Variants in GAB1 observed in about 807,000 individuals in gnomAD.
GAB1 encodes GRB2 associated binding protein 1.
GAB1 carries 19 observed loss-of-function variants against 66.5 expected under a neutral mutation model. The ratio of observed to expected loss-of-function variants is 0.29; its 90% CI spans 0.20 to 0.42. The LOEUF is 0.42. Among genes scored for constraint, GAB1 ranks in the 10% least tolerant of loss-of-function variants. The pLI is 1.00. For synonymous variants in GAB1, 294 were observed against 301.4 expected (o/e 0.98, Z 0.25); for missense variants, 732 against 858.5 (o/e 0.85, Z 1.84).
At chr4:143,347,664 G>GGGAC (rs1729034450) in intron 1 of GAB1, among the ~76,000 whole-genome samples, 2 of 152,178 alleles carry the variant, frequency 1.3e-5, no homozygotes. Context: ...GTGCTGCTAG[G>GGGAC]GGACATAGGT....
intron 6 of GAB1, among the ~76,000 whole-genome samples, chr4:143,447,076 C>G (rs535079475): frequency 0.025 from 3,814 of 152,004 alleles, 88 homozygotes; most frequent in South Asian, 0.11. Flanking sequence ...TCTTGTTTTT[C>G]TCAGGTTTGT....
At chr4:143,443,859 A>C (rs941521690) in intron 6 of GAB1, among the ~76,000 whole-genome samples, 10 of 152,198 alleles carry the variant, frequency 6.6e-5, no homozygotes, top group African/African-American at 2.4e-4. Context: ...AATACTTATG[A>C]GTAATTGAAA....
At chr4:143,378,834 T>C (rs544729677) in intron 1 of GAB1, among the ~76,000 whole-genome samples, 30 of 152,286 alleles carry the variant, frequency 2.0e-4, no homozygotes, top group African/African-American at 5.5e-4. Flanking sequence ...ACTGCCAGAC[T>C]CTGCAGCTGA....
intron 1 of GAB1, among the ~76,000 whole-genome samples, chr4:143,393,814 A>C (rs1731303976): frequency 6.6e-6 from 1 of 152,198 alleles, no homozygotes; most frequent in Admixed American, 6.5e-5. Context: ...AACTGTAACC[A>C]CAGCTGCTTT....
intron 2 of GAB1, chr4:143,417,695 A>T (rs1236198956): frequency 6.3e-6 from 1 of 158,876 alleles, no homozygotes; most frequent in Non-Finnish European, 1.4e-5. Context: ...GGCATGAGCC[A>T]CCACACCTGA....
intron 6 of GAB1, among the ~76,000 whole-genome samples, chr4:143,447,403 G>A (rs1341942596): frequency 2.0e-5 from 3 of 152,118 alleles, no homozygotes; most frequent in East Asian, 1.9e-4. Context: ...CTGTTTTCAC[G>A]ATATTGATTC....
At chr4:143,378,629 GTCTCTCTCTCTC>G (rs3049720) in intron 1 of GAB1, among the ~76,000 whole-genome samples, 1,912 of 129,236 alleles carry the variant, frequency 0.015, 40 homozygotes, top group African/African-American at 0.047. Context: ...CTTCCAAAGT[GTCTCTCTCTCTC>G]TCTCTCTCTC....
chr4:143,396,973 G>A (rs1055788922), intron 1 of GAB1, among the ~76,000 whole-genome samples: 2 of 152,074 alleles, frequency 1.3e-5, no homozygotes, highest in Non-Finnish European at 2.9e-5. Flanking sequence ...AGCAGGGAGG[G>A]GTAAGAGAAG....
At chr4:143,363,576 G>A (rs1729749365) in intron 1 of GAB1, among the ~76,000 whole-genome samples, 1 of 152,130 alleles carries the variant, frequency 6.6e-6, no homozygotes, top group Admixed American at 6.5e-5. Context: ...AGGATAAGGT[G>A]GAAAATAAGC....
In GAB1 at chr4:143,364,868, CTTTTT is replaced by C. The variant is rs745401852; in HGVS notation, c.72+27630_72+27634del. Among the ~76,000 whole-genome samples, 36 of 86,802 alleles carry C rather than the reference CTTTTT, an allele frequency of 4.1e-4. No homozygotes were observed. In the East Asian group the frequency reaches 7.7e-3, roughly 18 times the overall value. 56.9% of individuals were successfully genotyped at this position (86,802 alleles called of 152,430 possible). On this transcript the variant is annotated intron_variant, in intron 1 of 9. Coordinates refer to ENST00000262994, the MANE Select transcript of GAB1 (RefSeq NM_002039.4). ...AAAATTAAAGCTCTCCCTGCATCTA[CTTTTT>C]TTTTTTTTTTTTTTTTTTTTTGGAG...
rs199543435 is a variant in GAB1, at chr4:143,470,297, AT to A, written c.*1115del. The A allele has an allele frequency of 6.6e-6, 1 of 152,164 alleles. No homozygotes were observed. The highest frequency in any genetic ancestry group is 2.4e-5 in the African/African-American group (1 of 41,452). The allele number at this position is 152,164 out of a possible 1,614,324, so 9.4% of individuals were successfully genotyped here. On this transcript the variant is annotated 3_prime_UTR_variant, in exon 10 of 10. Coordinates refer to ENST00000262994, the MANE Select transcript of GAB1 (RefSeq NM_002039.4). ...TATGCAATTAATATTTTATATCTGC[AT>A]TTTTTTAAAAAAAATAGATGTTATA...
intron 1 of GAB1, among the ~76,000 whole-genome samples, chr4:143,360,316 T>C (rs1262917829): frequency 6.6e-6 from 1 of 152,204 alleles, no homozygotes; most frequent in Non-Finnish European, 1.5e-5. Context: ...TCTTACGTTA[T>C]TTTTCTATTT....
At chr4:143,339,679 C>T (rs751944029) in intron 1 of GAB1, among the ~76,000 whole-genome samples, 3 of 152,082 alleles carry the variant, frequency 2.0e-5, no homozygotes, top group Non-Finnish European at 2.9e-5. Flanking sequence ...TTTGGGACCA[C>T]GAGACAAGTA....
chr4:143,373,725 A>AGACT (rs1270995071), intron 1 of GAB1, among the ~76,000 whole-genome samples: 1 of 151,552 alleles, frequency 6.6e-6, no homozygotes, highest in African/African-American at 2.4e-5. Flanking sequence ...GCTGCTTGGG[A>AGACT]GACTGAGGCA....
At chr4:143,337,344 G>A (rs550277809) in intron 1 of GAB1, 84 bp downstream of exon 1, 100 of 1,151,570 alleles carry the variant, frequency 8.7e-5, no homozygotes, top group Non-Finnish European at 1.2e-4. Context: ...GCAGCTGGCC[G>A]CGCGCGGGGC....
chr4:143,409,404 A>G (rs903128139), intron 1 of GAB1, among the ~76,000 whole-genome samples: 2 of 144,730 alleles, frequency 1.4e-5, no homozygotes, highest in African/African-American at 5.1e-5. Flanking sequence ...CCCGCTCTGA[A>G]ATCTTTTCAT....
chr4:143,370,797 T>A (rs908025419), intron 1 of GAB1, among the ~76,000 whole-genome samples: 1 of 152,166 alleles, frequency 6.6e-6, no homozygotes, highest in South Asian at 2.1e-4. Context: ...GAACATGCAG[T>A]GTTTGGTTTT....
At chr4:143,373,868 A>AATAAATAAATATATATATATATATATAT in intron 1 of GAB1, among the ~76,000 whole-genome samples, 37 of 93,690 alleles carry the variant, frequency 3.9e-4, no homozygotes, top group African/African-American at 1.4e-3. Context: ...TAAATAAATA[A>AATAAATAAATATATATATATATATATAT]ATATATATAT....
chr4:143,450,091 G>A (rs375412367), intron 6 of GAB1, among the ~76,000 whole-genome samples: 46 of 152,024 alleles, frequency 3.0e-4, no homozygotes, highest in East Asian at 1.5e-3. Context: ...ATTTGTTACC[G>A]TTTAAAGGAA....
Sources: gnomAD v4.1 joint callset for allele counts (sites outside exome capture counted in the v4.1 genomes callset) on GRCh38, gnomAD v4.1.1 for gene constraint, MANE v1.5 for transcripts, NCBI Gene and HGNC (gene_info 2026-07-23, HGNC 2026-07-21) for gene names.